The following FAM13C variants were observed in gnomAD, a reference collection of about 807,000 sequenced individuals.
FAM13C encodes the protein family with sequence similarity 13 member C, also known as protein FAM13C.
Under a neutral mutation model 73.2 loss-of-function variants are expected in FAM13C, and 37 were observed. The ratio of observed to expected loss-of-function variants is 0.51; its 90% CI spans 0.39 to 0.67. FAM13C has a LOEUF of 0.67. FAM13C is among the 30% of genes least tolerant of loss of function. The pLI is 0.00. For missense variants in FAM13C, 589 were observed against 715.6 expected (o/e 0.82, Z 2.02); for synonymous variants, 246 against 260.9 (o/e 0.94, Z 0.55).
intron 5 of FAM13C, chr10:59,296,994 A>G (rs1404449973): frequency 6.6e-6 from 1 of 152,276 alleles, no homozygotes; most frequent in Non-Finnish European, 1.5e-5. Context: ...TCTTCAGAAT[A>G]GAGTTACAGT....
At chr10:59,314,553 T>A (rs2133955872) in intron 4 of FAM13C, among the ~76,000 whole-genome samples, 1 of 152,300 alleles carries the variant, frequency 6.6e-6, no homozygotes, top group East Asian at 1.9e-4. Flanking sequence ...TATTAATGTG[T>A]TTTTAGATTT....
intron 3 of FAM13C, among the ~76,000 whole-genome samples, chr10:59,351,331 C>CAA (rs10666673): frequency 0.52 from 69,787 of 134,060 alleles, 18,983 homozygotes; most frequent in Middle Eastern, 0.63. Flanking sequence ...GACCCTGTCT[C>CAA]AAAAAAAAAA....
intron 5 of FAM13C, among the ~76,000 whole-genome samples, chr10:59,284,276 T>C (rs284617): frequency 0.75 from 113,263 of 151,930 alleles, 44,430 homozygotes; most frequent in East Asian, 0.9. Flanking sequence ...CATCCTGCCA[T>C]GATGCAGATG....
At chr10:59,274,014 G>A (rs1446910238) in intron 6 of FAM13C, among the ~76,000 whole-genome samples, 3 of 152,118 alleles carry the variant, frequency 2.0e-5, no homozygotes, top group African/African-American at 4.8e-5. Context: ...CTCATAAATA[G>A]CATTCAGGGA....
At chr10:59,318,660 G>A (rs1422637229) in intron 4 of FAM13C, among the ~76,000 whole-genome samples, 5 of 143,426 alleles carry the variant, frequency 3.5e-5, no homozygotes, top group African/African-American at 5.3e-5. Context: ...CTGCATCCAC[G>A]GAGGGAGGCA....
At chr10:59,341,676 C>T (rs1264230929) in intron 3 of FAM13C, among the ~76,000 whole-genome samples, 1 of 151,910 alleles carries the variant, frequency 6.6e-6, no homozygotes, top group Non-Finnish European at 1.5e-5. Flanking sequence ...GCAACAAGAG[C>T]AAAACTCCTC....
intron 12 of FAM13C, 24 bp from the exon 13 acceptor site, chr10:59,251,700 A>AT (rs775642820): frequency 6.5e-7 from 1 of 1,527,832 alleles, no homozygotes; most frequent in Non-Finnish European, 8.9e-7. Context: ...AATACTTGTC[A>AT]TTACTGGGCA....
intron 3 of FAM13C, 35 bp from the exon 4 acceptor site, chr10:59,324,141 C>G: frequency 6.5e-7 from 1 of 1,526,776 alleles, no homozygotes; most frequent in Non-Finnish European, 9.0e-7. Flanking sequence ...GATGAGCTGT[C>G]AACAGCAATC....
chr10:59,273,846 G>A (rs937797276), intron 6 of FAM13C, among the ~76,000 whole-genome samples: 3 of 152,030 alleles, frequency 2.0e-5, no homozygotes, highest in African/African-American at 7.2e-5. Context: ...ACATTATAGT[G>A]GTTAAATGAG....
In FAM13C at chr10:59,355,934, T is replaced by A. The variant is rs1855661599; in HGVS notation, c.72A>T (p.Glu24Asp). 1 of 1,613,884 alleles carries A rather than the reference T, an allele frequency of 6.2e-7. No homozygotes were observed. Among genetic ancestry groups the A allele is most frequent in the Admixed American group, 1.7e-5 (1 of 60,010 alleles). Reference sequence around the variant, plus strand: ...GGTCTTCATGTAGAGAGACTGGATCTTCGTCACACCTGGAAGAGTGGGAAG... The same window carrying A: ...GGTCTTCATGTAGAGAGACTGGATCATCGTCACACCTGGAAGAGTGGGAAG... ...FSSTTVTECD[E>D]DPVSLHEDQT... is the part of the protein sequence containing the mutation. Residue 24 changes from glutamate (E) to aspartate (D), a missense_variant, in exon 2 of 14, where the codon GAA (glutamate) becomes GAT (aspartate). Physicochemically the swap from Glu to Asp is conservative, Grantham distance 45. Coordinates refer to ENST00000618804, the MANE Select transcript of FAM13C (RefSeq NM_198215.4).
At chr10:59,275,774 T>A (rs1297661622) in intron 6 of FAM13C, among the ~76,000 whole-genome samples, 1 of 152,168 alleles carries the variant, frequency 6.6e-6, no homozygotes, top group African/African-American at 2.4e-5. Flanking sequence ...GAATTCTCAT[T>A]TGTAATCAGT....
At chr10:59,256,213 AGTCT>A (rs1841934084) in intron 10 of FAM13C, among the ~76,000 whole-genome samples, 1 of 152,190 alleles carries the variant, frequency 6.6e-6, no homozygotes, top group Non-Finnish European at 1.5e-5. Context: ...AAAAAATCTC[AGTCT>A]AAGTTCAGAA....
At chr10:59,338,517 C>T (rs1411834445) in intron 3 of FAM13C, among the ~76,000 whole-genome samples, 4 of 152,196 alleles carry the variant, frequency 2.6e-5, no homozygotes, top group Non-Finnish European at 5.9e-5. Flanking sequence ...ATAAAACTAA[C>T]ATCCTGCACA....
chr10:59,357,640 A>C (rs1708494250), intron 1 of FAM13C, among the ~76,000 whole-genome samples: 1 of 152,200 alleles, frequency 6.6e-6, no homozygotes, highest in South Asian at 2.1e-4. Flanking sequence ...CTGTGGACAA[A>C]CACTTTGGTA....
intron 4 of FAM13C, among the ~76,000 whole-genome samples, chr10:59,319,999 C>T (rs555194524): frequency 6.6e-6 from 1 of 152,140 alleles, no homozygotes; most frequent in South Asian, 2.1e-4. Context: ...CAGGGAGCTA[C>T]AGAGTCCCCA....
At chr10:59,322,394 G>A (rs1850437292) in intron 4 of FAM13C, among the ~76,000 whole-genome samples, 1 of 152,198 alleles carries the variant, frequency 6.6e-6, no homozygotes, top group East Asian at 1.9e-4. Context: ...ATGTTGCTAG[G>A]TCAGAAAGCT....
intron 13 of FAM13C, among the ~76,000 whole-genome samples, chr10:59,248,359 A>G (rs1341247757): frequency 6.6e-6 from 1 of 152,150 alleles, no homozygotes; most frequent in African/African-American, 2.4e-5. Context: ...CTGTACACTA[A>G]TTCTACTAAG....
intron 6 of FAM13C, among the ~76,000 whole-genome samples, chr10:59,280,254 C>G (rs979146304): frequency 6.6e-6 from 1 of 151,970 alleles, no homozygotes; most frequent in African/African-American, 2.4e-5. Context: ...CAAACCAATC[C>G]AGTTGGTTAC....
chr10:59,269,847 G>T, intron 7 of FAM13C, 52 bp downstream of exon 7: 1 of 1,577,598 alleles, frequency 6.3e-7, no homozygotes, highest in East Asian at 2.3e-5. Flanking sequence ...TTATAAATGT[G>T]GTATTTGAAA....
Sources: allele counts gnomAD v4.1 joint callset (sites outside exome capture counted in the v4.1 genomes callset), GRCh38; gene constraint gnomAD v4.1.1; transcripts MANE v1.5; gene names NCBI Gene and HGNC (gene_info 2026-07-23, HGNC 2026-07-21).